The following ADAMTSL1 variants were observed in gnomAD, a reference collection of about 807,000 sequenced individuals.
ADAMTSL1 encodes ADAMTS like 1, also known as ADAMTS-like protein 1.
ADAMTSL1 carries 126 observed loss-of-function variants against 201.8 expected under a neutral mutation model. The ratio of observed to expected loss-of-function variants is 0.62; its 90% confidence interval spans 0.54 to 0.72. ADAMTSL1 has a LOEUF of 0.72. Among genes scored for constraint, ADAMTSL1 ranks in the 30% least tolerant of loss-of-function variants. ADAMTSL1 has a pLI of 0.00. For missense variants in ADAMTSL1, 2,679 were observed against 2,277.8 expected, an observed-to-expected ratio of 1.18 and a Z score of -3.59; for synonymous variants, 1,121 against 903.4, an observed-to-expected ratio of 1.24 and a Z score of -4.32.
chr9:18,224,768 A>G (rs1830383811), intron 2 of ADAMTSL1, among the ~76,000 whole-genome samples: 1 of 152,066 alleles, frequency 6.6e-6, no homozygotes, highest in South Asian at 2.1e-4. Flanking sequence ...GAGGACAGGC[A>G]TGGTCACAGT....
At chr9:18,733,245 G>C (rs1818315559) in intron 15 of ADAMTSL1, among the ~76,000 whole-genome samples, 1 of 152,276 alleles carries the variant, frequency 6.6e-6, no homozygotes, top group Non-Finnish European at 1.5e-5. Context: ...AACAAGGTCT[G>C]CTTTCTTCAT....
chr9:18,298,468 C>G (rs1257772798), intron 2 of ADAMTSL1, among the ~76,000 whole-genome samples: 1 of 152,092 alleles, frequency 6.6e-6, no homozygotes, highest in Non-Finnish European at 1.5e-5. Flanking sequence ...TGAATTTTGA[C>G]CTAGAAACAT....
chr9:18,906,821 C>A lies in ADAMTSL1; in HGVS notation c.5091C>A (p.Ala1697=), dbSNP rs771602702. The A allele has an allele frequency of 6.2e-7, 1 of 1,614,008 alleles. No individual in the cohort carries two copies. Among genetic ancestry groups the A allele is most frequent in the South Asian group, 1.1e-5 (1 of 91,090 alleles). The part of the protein sequence containing the change: ...FQSRRVECVH[A]RTNKAVPEHL... Reference sequence around the variant, plus strand: ...CCCGGCGTGTGGAGTGTGTGCATGCCCGCACCAACAAGGCAGTGCCTGAGC... The same window carrying A: ...CCCGGCGTGTGGAGTGTGTGCATGCACGCACCAACAAGGCAGTGCCTGAGC... The change falls in exon 28 of 29, where the codon GCC becomes GCA. Residue 1697 remains alanine, a synonymous_variant. Transcript: ENST00000380548.
At chr9:18,173,474 C>T (rs748097153) in intron 2 of ADAMTSL1, among the ~76,000 whole-genome samples, 57 of 151,994 alleles carry the variant, frequency 3.8e-4, no homozygotes, top group Non-Finnish European at 6.3e-4. Context: ...TTGGAATTAA[C>T]GAAAACCATT....
At chr9:18,280,873 CTT>C (rs138455491) in intron 2 of ADAMTSL1, among the ~76,000 whole-genome samples, 2 of 131,818 alleles carry the variant, frequency 1.5e-5, no homozygotes, top group Non-Finnish European at 3.2e-5. Flanking sequence ...CTGCATTCCG[CTT>C]TTTTTTTTTT....
chr9:17,985,451 A>G (rs1818886579), intron 1 of ADAMTSL1, among the ~76,000 whole-genome samples: 1 of 152,158 alleles, frequency 6.6e-6, no homozygotes, highest in South Asian at 2.1e-4. Context: ...ATTTAACCAC[A>G]AGGAAAATAA....
chr9:18,070,388 C>G (rs189157204), intron 1 of ADAMTSL1, among the ~76,000 whole-genome samples: 1 of 151,886 alleles, frequency 6.6e-6, no homozygotes, highest in East Asian at 1.9e-4. Context: ...ATTAACAGAA[C>G]GAGAAGAAAT....
intron 1 of ADAMTSL1, among the ~76,000 whole-genome samples, chr9:18,156,882 A>C (rs1827179173): frequency 6.6e-6 from 1 of 152,236 alleles, no homozygotes; most frequent in Non-Finnish European, 1.5e-5. Flanking sequence ...CCTTCGTGAA[A>C]GGAATGGGGT....
intron 1 of ADAMTSL1, among the ~76,000 whole-genome samples, chr9:18,106,546 G>T (rs1275896972): frequency 1.3e-5 from 2 of 152,172 alleles, no homozygotes; most frequent in African/African-American, 2.4e-5. Context: ...ATCTTGTAAA[G>T]ACAGCCCGAG....
At chr9:18,594,054 T>C (rs1824097556) in intron 4 of ADAMTSL1, among the ~76,000 whole-genome samples, 1 of 152,162 alleles carries the variant, frequency 6.6e-6, no homozygotes, top group African/African-American at 2.4e-5. Context: ...TTTTGAGTTT[T>C]GAGGGTTGTC....
At chr9:18,230,895 T>C (rs919533510) in intron 2 of ADAMTSL1, among the ~76,000 whole-genome samples, 1 of 152,200 alleles carries the variant, frequency 6.6e-6, no homozygotes, top group Admixed American at 6.5e-5. Flanking sequence ...AAGGCTGAAA[T>C]TGCTAACCTG....
intron 15 of ADAMTSL1, among the ~76,000 whole-genome samples, chr9:18,749,741 G>A (rs1445789176): frequency 6.6e-6 from 1 of 152,194 alleles, no homozygotes; most frequent in Non-Finnish European, 1.5e-5. Flanking sequence ...TCCCTTCATT[G>A]GCCTAAGTTG....
chr9:18,661,211 C>G (rs888575150), intron 8 of ADAMTSL1, among the ~76,000 whole-genome samples: 11 of 152,098 alleles, frequency 7.2e-5, no homozygotes, highest in African/African-American at 2.4e-4. Context: ...AGAGAGGCTT[C>G]TTTAAACAGT....
intron 1 of ADAMTSL1, among the ~76,000 whole-genome samples, chr9:18,112,817 C>G: frequency 6.6e-6 from 1 of 152,150 alleles, no homozygotes; most frequent in East Asian, 1.9e-4. Context: ...TGCCTCATCC[C>G]TAGAGTCTAG....
intron 2 of ADAMTSL1, among the ~76,000 whole-genome samples, chr9:18,200,739 T>C (rs1312567430): frequency 1.3e-5 from 2 of 151,934 alleles, no homozygotes; most frequent in African/African-American, 4.8e-5. Flanking sequence ...AGCTGAAAAT[T>C]AATAAGTTTA....
At chr9:18,217,213 C>A (rs139859222) in intron 2 of ADAMTSL1, among the ~76,000 whole-genome samples, 6 of 152,272 alleles carry the variant, frequency 3.9e-5, no homozygotes, top group African/African-American at 1.4e-4. Flanking sequence ...ACAGAAATGA[C>A]AGCTAATAAA....
chr9:18,486,491 C>T (rs1442067101), intron 1 of ADAMTSL1, among the ~76,000 whole-genome samples: 1 of 152,156 alleles, frequency 6.6e-6, no homozygotes, highest in Non-Finnish European at 1.5e-5. Flanking sequence ...ATCGCTTGAG[C>T]CCAGGAGTTC....
chr9:18,845,237 A>G (rs1390661734), intron 23 of ADAMTSL1, among the ~76,000 whole-genome samples: 1 of 152,194 alleles, frequency 6.6e-6, no homozygotes, highest in African/African-American at 2.4e-5. Context: ...CCTCCTTCAG[A>G]GGAACTCCTC....
At chr9:18,165,484 T>C (rs2132101266) in intron 2 of ADAMTSL1, among the ~76,000 whole-genome samples, 1 of 152,048 alleles carries the variant, frequency 6.6e-6, no homozygotes, top group South Asian at 2.1e-4. Context: ...TACATTGATT[T>C]CCATTAAAAT....
Sources: gnomAD v4.1 joint callset for allele counts (sites outside exome capture counted in the v4.1 genomes callset) on GRCh38, gnomAD v4.1.1 for gene constraint, MANE v1.5 for transcripts, NCBI Gene and HGNC (gene_info 2026-07-23, HGNC 2026-07-21) for gene names.